Variants in ICA1 observed in about 807,000 individuals in gnomAD.
ICA1 encodes the protein islet cell autoantigen 1.
ICA1 carries 40 observed loss-of-function variants against 71.0 expected under a neutral mutation model. That is an observed-to-expected ratio of 0.56 (90% CI 0.44 to 0.73). The LOEUF (loss-of-function observed/expected upper bound fraction) is 0.73. Among genes scored for constraint, ICA1 ranks in the 30% least tolerant of loss-of-function variants. The probability of loss-of-function intolerance (pLI) is 0.00; values close to 1 mark genes in which losing one functional copy is unlikely to be tolerated. For synonymous variants in ICA1, 207 were observed against 209.5 expected (o/e 0.99, Z 0.10); for missense variants, 578 against 576.5 (o/e 1.00, Z -0.03).
intron 13 of ICA1, among the ~76,000 whole-genome samples, chr7:8,121,125 C>A (rs935182080): frequency 6.6e-6 from 1 of 152,152 alleles, no homozygotes; most frequent in African/African-American, 2.4e-5. Flanking sequence ...AGAGAGCAGG[C>A]CCTCAGTAAA....
chr7:8,248,898 T>C (rs1355972948), intron 1 of ICA1, among the ~76,000 whole-genome samples: 2 of 152,236 alleles, frequency 1.3e-5, no homozygotes, highest in Non-Finnish European at 2.9e-5. Flanking sequence ...GTTCATATTC[T>C]ATCATCACTG....
intron 3 of ICA1, 68 bp downstream of exon 3, chr7:8,232,522 G>C: frequency 7.5e-7 from 1 of 1,327,942 alleles, no homozygotes; most frequent in Non-Finnish European, 9.9e-7. Context: ...CTGCCTCAGT[G>C]AGTATACTCT....
At chr7:8,229,460 T>C (rs570848257) in intron 3 of ICA1, among the ~76,000 whole-genome samples, 36 of 152,296 alleles carry the variant, frequency 2.4e-4, no homozygotes, top group African/African-American at 8.4e-4. Flanking sequence ...CTTTGCCCAC[T>C]AACTTAGGGA....
chr7:8,118,454 G>A (rs1785491954), intron 13 of ICA1, among the ~76,000 whole-genome samples: 1 of 152,122 alleles, frequency 6.6e-6, no homozygotes, highest in Non-Finnish European at 1.5e-5. Flanking sequence ...CGAAATCCTT[G>A]AGCTGTTCTC....
At chr7:8,211,429 T>G (rs879435263) in intron 6 of ICA1, among the ~76,000 whole-genome samples, 18 of 152,254 alleles carry the variant, frequency 1.2e-4, no homozygotes, top group African/African-American at 3.9e-4. Flanking sequence ...TGTCCAGCAT[T>G]ATGCCCTGAA....
chr7:8,156,918 T>A (rs1350773791), intron 8 of ICA1, 198 bp downstream of exon 8: 3 of 1,527,108 alleles, frequency 2.0e-6, no homozygotes, highest in Non-Finnish European at 2.6e-6. Context: ...TTGTATTGAA[T>A]CCTGATGCAG....
chr7:8,158,442 G>A, intron 7 of ICA1, 85 bp downstream of exon 7: 1 of 1,545,068 alleles, frequency 6.5e-7, no homozygotes, highest in Non-Finnish European at 8.8e-7. Flanking sequence ...AATGGCCAAA[G>A]CTTACTTTTA....
chr7:8,255,321 T>G (rs1226690647), intron 1 of ICA1, among the ~76,000 whole-genome samples: 3 of 152,232 alleles, frequency 2.0e-5, no homozygotes, highest in African/African-American at 7.2e-5. Flanking sequence ...TTCTCATGAC[T>G]TTTGACCACG....
chr7:8,165,463 C>A (rs541628063), intron 6 of ICA1, among the ~76,000 whole-genome samples: 2 of 152,274 alleles, frequency 1.3e-5, no homozygotes, highest in South Asian at 4.1e-4. Flanking sequence ...AAAACCAGAA[C>A]AAGACAACGA....
chr7:8,247,879 T>A (rs1806642395), intron 1 of ICA1, among the ~76,000 whole-genome samples: 1 of 152,180 alleles, frequency 6.6e-6, no homozygotes, highest in Admixed American at 6.6e-5. Flanking sequence ...AAAGCTAAGA[T>A]CAGTAGTCAT....
rs150881600 is a variant in ICA1 at position 8,195,384 on chromosome 7, T to C, written c.579+22921A>G. Among the ~76,000 whole-genome samples, 671 of 151,820 alleles carry C rather than the reference T, an allele frequency of 4.4e-3. 3 individuals are homozygous for C. The highest frequency in any genetic ancestry group is 0.014 in the African/African-American group (594 of 41,414). On this transcript the variant is annotated intron_variant, in intron 6 of 13. Transcript: ENST00000402384. ...GGTGAAACCCTGTCTCTACTAAAAA[T>C]AGAAAAAATTAGCCGGGTGTGGTGG...
chr7:8,117,499 T>A (rs989309884), intron 13 of ICA1, among the ~76,000 whole-genome samples: 1 of 152,208 alleles, frequency 6.6e-6, no homozygotes, highest in Non-Finnish European at 1.5e-5. Flanking sequence ...TTTCATTGTA[T>A]ATATGCAAGT....
intron 1 of ICA1, among the ~76,000 whole-genome samples, chr7:8,259,835 C>T (rs541210158): frequency 8.5e-5 from 13 of 152,146 alleles, no homozygotes; most frequent in Non-Finnish European, 1.3e-4. Context: ...AAGAAAAAAG[C>T]GGGGGAAAAG....
At chr7:8,167,615 C>T (rs187038528) in intron 6 of ICA1, among the ~76,000 whole-genome samples, 207 of 152,204 alleles carry the variant, frequency 1.4e-3, no homozygotes, top group African/African-American at 4.7e-3. Context: ...CACCTGTACC[C>T]CTGAACCTAA....
chr7:8,241,406 C>T (rs1803826810), intron 1 of ICA1, among the ~76,000 whole-genome samples: 1 of 152,150 alleles, frequency 6.6e-6, no homozygotes. Flanking sequence ...TACAAGAGCT[C>T]CTGAAGGAAG....
At chr7:8,171,483 C>T (rs1365469341) in intron 6 of ICA1, among the ~76,000 whole-genome samples, 1 of 151,800 alleles carries the variant, frequency 6.6e-6, no homozygotes, top group African/African-American at 2.4e-5. Context: ...TAGTAATGTC[C>T]TCCTTAATTC....
At chr7:8,244,595 A>G (rs1805231815) in intron 1 of ICA1, among the ~76,000 whole-genome samples, 1 of 152,232 alleles carries the variant, frequency 6.6e-6, no homozygotes, top group Admixed American at 6.5e-5. Flanking sequence ...GCACAGCAAA[A>G]GAAACTGCCA....
intron 6 of ICA1, among the ~76,000 whole-genome samples, chr7:8,197,250 C>T (rs953960806): frequency 2.0e-5 from 3 of 151,368 alleles, no homozygotes; most frequent in Non-Finnish European, 4.4e-5. Flanking sequence ...TACCATTTGC[C>T]AACCACATTA....
chr7:8,213,028 A>T (rs1794316432), intron 6 of ICA1, among the ~76,000 whole-genome samples: 1 of 152,212 alleles, frequency 6.6e-6, no homozygotes. Context: ...ACTCTAAAAA[A>T]GCAGCAACCC....
Sources: allele counts gnomAD v4.1 joint callset (sites outside exome capture counted in the v4.1 genomes callset), GRCh38; gene constraint gnomAD v4.1.1; transcripts MANE v1.5; gene names NCBI Gene and HGNC (gene_info 2026-07-23, HGNC 2026-07-21).